The following BTAF1 variants were observed in gnomAD, a reference collection of about 807,000 sequenced individuals.
BTAF1 encodes B-TFIID TATA-box binding protein associated factor 1.
In BTAF1, 38 loss-of-function variants were observed where a neutral mutation model predicts 227.1. The ratio of observed to expected loss-of-function variants is 0.17; its 90% confidence interval spans 0.13 to 0.22. BTAF1 has a LOEUF of 0.22. BTAF1 is among the 10% of genes least tolerant of loss of function. The pLI is 1.00. For synonymous variants in BTAF1, 742 were observed against 751.9 expected (o/e 0.99, Z 0.21); for missense variants, 1,598 against 2,204.0 (o/e 0.73, Z 5.51).
intron 25 of BTAF1, among the ~76,000 whole-genome samples, chr10:92,006,523 G>A (rs542945614): frequency 4.6e-5 from 7 of 152,072 alleles, no homozygotes; most frequent in South Asian, 4.1e-4. Context: ...AACATCATGC[G>A]TCAGTCATTT....
At chr10:91,973,016 T>C (rs1165251060) in intron 14 of BTAF1, among the ~76,000 whole-genome samples, 1 of 152,244 alleles carries the variant, frequency 6.6e-6, no homozygotes, top group East Asian at 1.9e-4. Flanking sequence ...TGAAAGATCA[T>C]TGACCTATTG....
chr10:91,948,488 C>T (rs925951586), intron 4 of BTAF1, among the ~76,000 whole-genome samples: 2 of 150,804 alleles, frequency 1.3e-5, no homozygotes, highest in African/African-American at 4.9e-5. Flanking sequence ...CTCCTGGGCT[C>T]AAGCAATCCT....
rs547129263 is a variant in BTAF1 at position 91,959,009 on chromosome 10, C to A, written c.901-56C>A. On this transcript the variant is annotated intron_variant, in intron 8 of 37. Transcript: ENST00000265990. Reference sequence around the variant, plus strand: ...TCCCTATTTCGTATAGAAGAAAAATCAAACTTTGTTTCTTAAACATTTAAC... The same window carrying A: ...TCCCTATTTCGTATAGAAGAAAAATAAAACTTTGTTTCTTAAACATTTAAC... The A allele has an allele frequency of 1.0e-4, 152 of 1,517,718 alleles. 1 individual carries two copies. In the Admixed American group the frequency reaches 2.5e-3, roughly 25 times the overall value. 94.0% of individuals were successfully genotyped at this position (1,517,718 alleles called of 1,614,324 possible).
chr10:92,004,671 GT>G (rs1330405818), intron 25 of BTAF1, among the ~76,000 whole-genome samples: 1 of 151,918 alleles, frequency 6.6e-6, no homozygotes, highest in Non-Finnish European at 1.5e-5. Context: ...ATCTCCCTCT[GT>G]TTACCCCGGG....
intron 29 of BTAF1, 24 bp from the exon 30 acceptor site, chr10:92,011,262 A>G (rs753494317): frequency 1.2e-4 from 184 of 1,505,454 alleles, no homozygotes; most frequent in Non-Finnish European, 4.5e-5. Flanking sequence ...AAAGTTGTAA[A>G]ATTTTCTATT....
chr10:91,924,740 G>A (rs1843711900), intron 1 of BTAF1, among the ~76,000 whole-genome samples: 1 of 152,152 alleles, frequency 6.6e-6, no homozygotes, highest in African/African-American at 2.4e-5. Context: ...GAAAGCCCAG[G>A]AAAACTATAG....
intron 1 of BTAF1, among the ~76,000 whole-genome samples, chr10:91,925,488 G>T (rs1843760639): frequency 6.9e-6 from 1 of 145,270 alleles, no homozygotes; most frequent in African/African-American, 2.4e-5. Flanking sequence ...TGTTTAAAAA[G>T]AACCTAATTT....
chr10:91,948,010 CTTTT>C (rs956223905), intron 4 of BTAF1, among the ~76,000 whole-genome samples: 6 of 151,630 alleles, frequency 4.0e-5, no homozygotes, highest in African/African-American at 1.5e-4. Flanking sequence ...ATTGCTTTAT[CTTTT>C]TTTTATTATT....
chr10:91,924,070 C>G lies in BTAF1; in HGVS notation c.-7C>G. The G allele has an allele frequency of 6.2e-7, 1 of 1,608,578 alleles. No individual in the cohort carries two copies. Among genetic ancestry groups the G allele is most frequent in the Non-Finnish European group, 8.5e-7 (1 of 1,178,466 alleles). On this transcript the variant is annotated 5_prime_UTR_variant, in exon 1 of 38. Coordinates refer to ENST00000265990, the MANE Select transcript of BTAF1 (RefSeq NM_003972.3). ...CGCGGGGAGCTCCGAACCGCCGGCG[C>G]CCGGCCATGGCGGTCTCCAGGTGGG...
At chr10:92,009,335 GA>G (rs1850146145) in intron 28 of BTAF1, 127 bp downstream of exon 28, 1 of 984,116 alleles carries the variant, frequency 1.0e-6, no homozygotes, top group African/African-American at 1.6e-5. Flanking sequence ...CTTCACTTAT[GA>G]AAAGTGAATG....
chr10:92,021,339 G>T (rs1266808295), intron 34 of BTAF1, among the ~76,000 whole-genome samples: 1 of 152,168 alleles, frequency 6.6e-6, no homozygotes, highest in Admixed American at 6.5e-5. Flanking sequence ...TTTTGACTAT[G>T]TGAGACTTAG....
At chr10:91,926,209 T>C (rs943299534) in intron 1 of BTAF1, among the ~76,000 whole-genome samples, 2 of 152,132 alleles carry the variant, frequency 1.3e-5, no homozygotes, top group African/African-American at 4.8e-5. Context: ...TAATACTATT[T>C]TACGTAAAAT....
At chr10:91,934,768 CTTA>C (rs920516478) in intron 1 of BTAF1, among the ~76,000 whole-genome samples, 3 of 152,144 alleles carry the variant, frequency 2.0e-5, no homozygotes, top group African/African-American at 4.8e-5. Context: ...TCTCCCTTCT[CTTA>C]TTGTTGTGTT....
At chr10:91,941,394 A>G (rs189583693) in intron 3 of BTAF1, among the ~76,000 whole-genome samples, 2 of 152,376 alleles carry the variant, frequency 1.3e-5, no homozygotes, top group East Asian at 3.9e-4. Flanking sequence ...GTTATACTTT[A>G]GTTTACAGAT....
chr10:92,000,796 C>T (rs750056932), intron 25 of BTAF1, among the ~76,000 whole-genome samples: 11 of 152,208 alleles, frequency 7.2e-5, no homozygotes, highest in Admixed American at 2.6e-4. Flanking sequence ...TTAGGTGATC[C>T]GCCCACCTCA....
chr10:92,024,867 A>G lies in BTAF1; in HGVS notation c.4975A>G (p.Ile1659Val), dbSNP rs1488086238. 2 of 1,613,708 alleles carry G rather than the reference A, an allele frequency of 1.2e-6. No homozygotes were observed. Among genetic ancestry groups the G allele is most frequent in the Non-Finnish European group, 8.5e-7 (1 of 1,179,910 alleles). ...CTGTCAGCTGAAAAGCATGCTTGAT[A>G]TAGTAGAGCATGATCTCCTCAAACC... ...IFCQLKSMLD[I>V]VEHDLLKPHL... The change falls in exon 35 of 38, where the codon ATA (isoleucine) becomes GTA (valine). Residue 1659 changes from isoleucine to valine, a missense_variant. Transcript: ENST00000265990.
intron 33 of BTAF1, among the ~76,000 whole-genome samples, chr10:92,017,880 C>T (rs1388109083): frequency 6.6e-6 from 1 of 152,148 alleles, no homozygotes; most frequent in Non-Finnish European, 1.5e-5. Flanking sequence ...ACTAATAAAA[C>T]ATCTGTGTGC....
intron 17 of BTAF1, 111 bp downstream of exon 17, chr10:91,982,336 A>G: frequency 3.5e-6 from 5 of 1,437,972 alleles, no homozygotes; most frequent in Non-Finnish European, 4.8e-6. Context: ...TCCTTCCTTC[A>G]TCACACTAAT....
At chr10:91,949,157 T>G (rs1207756099) in intron 4 of BTAF1, among the ~76,000 whole-genome samples, 1 of 151,798 alleles carries the variant, frequency 6.6e-6, no homozygotes, top group Admixed American at 6.6e-5. Flanking sequence ...CCACAAAAAA[T>G]AAAAAATTAA....
Sources: gnomAD v4.1 joint callset for allele counts (sites outside exome capture counted in the v4.1 genomes callset) on GRCh38, gnomAD v4.1.1 for gene constraint, MANE v1.5 for transcripts, NCBI Gene and HGNC (gene_info 2026-07-23, HGNC 2026-07-21) for gene names.